The following METTL22 variants were observed in gnomAD, a reference collection of about 807,000 sequenced individuals.
METTL22 encodes methyltransferase-like protein 22.
A neutral mutation model predicts 48.4 loss-of-function variants in METTL22; 51 were observed. The observed-to-expected ratio is 1.05, with a 90% CI of 0.84 to 1.33. METTL22 has a LOEUF of 1.33. Ranked by LOEUF, METTL22 falls within the 40% of genes most tolerant of loss-of-function variation. The pLI, the probability that METTL22 is intolerant of heterozygous loss-of-function variation, is 0.00. For missense variants in METTL22, 678 were observed against 526.9 expected (o/e 1.29, Z -2.81); for synonymous variants, 255 against 214.1 (o/e 1.19, Z -1.67).
chr16:8,640,915 T>TAGAA (rs1234491535), intron 6 of METTL22, among the ~76,000 whole-genome samples: 11 of 81,720 alleles, frequency 1.3e-4, no homozygotes, highest in South Asian at 5.1e-4. Flanking sequence ...GATGGATGGA[T>TAGAA]GGATGGATGG....
At chr16:8,650,256 C>A (rs12597766), downstream of METTL22, among the ~76,000 whole-genome samples, 2 of 152,202 alleles carry the variant, frequency 1.3e-5, no homozygotes, top group South Asian at 4.1e-4. Flanking sequence ...CGAAGGAATT[C>A]TAGGCTGCAG....
chr16:8,659,383 A>T, the METTL22 span, among the ~76,000 whole-genome samples: 1 of 151,878 alleles, frequency 6.6e-6, no homozygotes, highest in African/African-American at 2.4e-5. Context: ...TCACCAGATC[A>T]TGAGTCCTGG....
intron 1 of METTL22, 118 bp downstream of exon 1, chr16:8,621,893 C>A (rs544026186): frequency 6.6e-6 from 1 of 152,332 alleles, no homozygotes; most frequent in African/African-American, 2.4e-5. Context: ...AAGGCCCGAC[C>A]CCACTCTTAG....
chr16:8,662,623 C>G, the METTL22 span, among the ~76,000 whole-genome samples: 2 of 143,834 alleles, frequency 1.4e-5, 1 homozygote, highest in Non-Finnish European at 3.0e-5. Flanking sequence ...CAGAGCTCAC[C>G]AAGAAAGAGC....
chr16:8,636,052 G>A (rs1326959579), intron 5 of METTL22, among the ~76,000 whole-genome samples: 3 of 152,132 alleles, frequency 2.0e-5, no homozygotes, highest in Admixed American at 2.0e-4. Flanking sequence ...TGGGCTTTTA[G>A]TGGACCTTCC....
In METTL22 at chr16:8,625,803, G is replaced by C; in HGVS notation, c.133+5G>C. The C allele has an allele frequency of 6.2e-7, 1 of 1,613,878 alleles. No homozygotes were observed. The highest frequency in any genetic ancestry group is 8.5e-7 in the Non-Finnish European group (1 of 1,179,902). ...TGAACAGCGTGGGGCAGCCAGGTAA[G>C]GTCCTGGGCCCAGGTGCCCTGCGGA... On this transcript the variant is annotated splice_donor_5th_base_variant and intron_variant, in intron 2 of 10. Transcript: ENST00000381920.
rs761100246 is a variant in METTL22 at position 8,635,124 on chromosome 16, C to T, written c.556-44C>T. ...TTCCTGTGGCCCTGATGGGTCCCTG[C>T]AGAGCCTCACGCTGCTTGTCGCTCC... On this transcript the variant is annotated intron_variant, in intron 4 of 10. Transcript: ENST00000381920. 4 of 1,613,918 alleles carry T rather than the reference C, an allele frequency of 2.5e-6. No individual in the cohort carries two copies. The South Asian group carries it at 4.4e-5, about 18-fold the overall frequency.
At chr16:8,645,998 G>A (rs2056783826) in intron 10 of METTL22, 110 bp from the exon 11 acceptor site, 5 of 1,532,552 alleles carry the variant, frequency 3.3e-6, no homozygotes, top group Non-Finnish European at 4.4e-6. Flanking sequence ...CCTGCTCCGT[G>A]GCTGACGTGT....
chr16:8,653,077 G>A (rs553131431), downstream of METTL22, among the ~76,000 whole-genome samples: 202 of 152,290 alleles, frequency 1.3e-3, no homozygotes, highest in South Asian at 0.01. Context: ...TGGTGCTGCT[G>A]ATATTGGAAG....
rs754371195 is a variant in METTL22, at chr16:8,642,541, C to T, written c.986C>T (p.Thr329Ile). 13 of 1,614,098 alleles carry T rather than the reference C, an allele frequency of 8.1e-6. No individual in the cohort carries two copies. Among genetic ancestry groups the T allele is most frequent in the South Asian group, 1.1e-5 (1 of 91,094 alleles). ...GCCCACAGATTGAAAAATGCCTGCA[C>T]AGCCATACTGTCGGTGGAGAAGAGG... Reference protein sequence around the residue: ...RLAHRLKNACTAILSVEKRLN... With the variant: ...RLAHRLKNACIAILSVEKRLN... The change falls in exon 9 of 11, where the codon ACA (threonine) becomes ATA (isoleucine). Residue 329 changes from threonine (T) to isoleucine (I), a missense_variant. Coordinates refer to ENST00000381920, the MANE Select transcript of METTL22 (RefSeq NM_024109.4).
chr16:8,629,105 G>C lies in METTL22; in HGVS notation c.509G>C (p.Arg170Thr). 6.2e-7 allele frequency: 1 copy of C among 1,612,142 alleles called. No homozygotes were observed. Among genetic ancestry groups the C allele is most frequent in the South Asian group, 1.1e-5 (1 of 91,040 alleles). Residue 170 changes from arginine (R) to threonine (T), a missense_variant, in exon 3 of 11, where the codon AGA (arginine) becomes ACA (threonine). Arg to Thr is a moderately conservative substitution (Grantham distance 71). Coordinates refer to ENST00000381920, the MANE Select transcript of METTL22 (RefSeq NM_024109.4). ...CAAGGCAGCCCGCACGATATCATCA[G>C]AATAGGTAAATAGAGGTGTGATGTG... ...EAQGSPHDII[R>T]IEHTMATPLE... is the part of the protein sequence containing the mutation.
At chr16:8,655,418 G>T in the METTL22 span, among the ~76,000 whole-genome samples, 1 of 152,216 alleles carries the variant, frequency 6.6e-6, no homozygotes, top group African/African-American at 2.4e-5. Context: ...GGCCTCTCTA[G>T]GGGGCCTCTG....
At chr16:8,633,887 A>G (rs978571629) in intron 3 of METTL22, among the ~76,000 whole-genome samples, 2 of 152,252 alleles carry the variant, frequency 1.3e-5, no homozygotes, top group African/African-American at 2.4e-5. Context: ...CCAATCAGGT[A>G]GAATCTCAGT....
intron 10 of METTL22, chr16:8,645,874 A>G (rs62030946): frequency 7.6e-7 from 1 of 1,309,844 alleles, no homozygotes. Flanking sequence ...CCTCTGATGC[A>G]CCTTCCGTTA....
At chr16:8,623,120 C>G (rs1408125871) in intron 1 of METTL22, among the ~76,000 whole-genome samples, 1 of 151,918 alleles carries the variant, frequency 6.6e-6, no homozygotes, top group African/African-American at 2.4e-5. Flanking sequence ...TCAAGACTAG[C>G]CTGGCCAACA....
At position 8,628,641 on chromosome 16, in the gene METTL22, T is replaced by C. The variant is rs912564698; in HGVS notation, c.134-89T>C. 7 of 1,489,388 alleles carry C rather than the reference T, an allele frequency of 4.7e-6. No homozygotes were observed. The African/African-American group carries it at 9.8e-5, about 21-fold the overall frequency. 92.3% of individuals were successfully genotyped at this position (1,489,388 alleles called of 1,614,324 possible). A position where few individuals can be genotyped will look rare whatever the true frequency, so the allele number is the denominator to read the frequency against. On this transcript the variant is annotated intron_variant, in intron 2 of 10. Coordinates refer to ENST00000381920, the MANE Select transcript of METTL22 (RefSeq NM_024109.4). ...ACCTGGCCTTTAAAAATCTTTCCTA[T>C]TGGTAATCAGATATTCTCAAAGAAG... is the stretch of plus-strand genomic sequence containing the variant.
At position 8,641,172 on chromosome 16, in the gene METTL22, G is replaced by C; in HGVS notation, c.814G>C (p.Asp272His). Residue 272 changes from aspartate (D) to histidine (H), a missense_variant, in exon 7 of 11, where the codon GAC (aspartate) becomes CAC (histidine). Asp to His is a moderately conservative substitution (Grantham distance 81, BLOSUM62 -1). Coordinates refer to ENST00000381920, the MANE Select transcript of METTL22 (RefSeq NM_024109.4). ...RVKELDWLKD[D>H]LCTDPKVPFS... ...CAAAGAACTGGACTGGCTGAAGGAC[G>C]ACCTCTGCACAGGTGTGTGTTTCTC... 1 of 1,613,894 alleles carries C rather than the reference G, an allele frequency of 6.2e-7. No homozygotes were observed. The highest frequency in any genetic ancestry group is 8.5e-7 in the Non-Finnish European group (1 of 1,179,914).
chr16:8,665,145 A>T, the METTL22 span, among the ~76,000 whole-genome samples: 3 of 70,112 alleles, frequency 4.3e-5, no homozygotes, highest in East Asian at 7.0e-4. Flanking sequence ...AAATACAAAA[A>T]AAGTAATAAT....
At position 8,648,052 on chromosome 16, in the gene METTL22, G is replaced by A. The variant is rs2056834821; in HGVS notation, c.*1909G>A. On this transcript the variant is annotated 3_prime_UTR_variant, in exon 11 of 11. Coordinates refer to ENST00000381920, the MANE Select transcript of METTL22 (RefSeq NM_024109.4). ...AGAAATGCAACATCAGGCTGAGCAT[G>A]TTGGCTCACTCCTGCAATCCCGATA... is the stretch of plus-strand genomic sequence containing the variant. 1 of 152,244 alleles carries A rather than the reference G, an allele frequency of 6.6e-6. No individual in the cohort carries two copies. Among genetic ancestry groups the A allele is most frequent in the African/African-American group, 2.4e-5 (1 of 41,460 alleles). The allele number at this position is 152,244 out of a possible 1,614,324, so 9.4% of individuals were successfully genotyped here.
Sources: allele counts gnomAD v4.1 joint callset (sites outside exome capture counted in the v4.1 genomes callset), GRCh38; gene constraint gnomAD v4.1.1; transcripts MANE v1.5; gene names NCBI Gene and HGNC (gene_info 2026-07-23, HGNC 2026-07-21).